Variants in CSTPP1 observed in about 807,000 individuals in gnomAD.
CSTPP1 encodes UPF0705 protein C11orf49.
the CSTPP1 span, among the ~76,000 whole-genome samples, chr11:47,106,740 T>A: frequency 2.0e-5 from 3 of 152,090 alleles, no homozygotes; most frequent in Non-Finnish European, 4.4e-5. Context: ...CAGGAATGTT[T>A]CCACAGAATG....
chr11:47,157,036 T>A, the CSTPP1 span: 3 of 1,613,966 alleles, frequency 1.9e-6, no homozygotes, highest in Non-Finnish European at 2.5e-6. Flanking sequence ...TCCTGGACAG[T>A]GTGGCTGCCA....
At chr11:47,155,394 G>A in the CSTPP1 span, 12 of 826,602 alleles carry the variant, frequency 1.5e-5, no homozygotes, top group African/African-American at 5.0e-5. Flanking sequence ...GCTTCACTGC[G>A]GGTCGCTAAC....
the CSTPP1 span, among the ~76,000 whole-genome samples, chr11:47,129,761 G>C: frequency 6.6e-6 from 1 of 152,168 alleles, no homozygotes; most frequent in Non-Finnish European, 1.5e-5. Flanking sequence ...TGAGATCCTG[G>C]TTAGAAATGC....
chr11:47,047,833 T>C, the CSTPP1 span, among the ~76,000 whole-genome samples: 3 of 152,012 alleles, frequency 2.0e-5, no homozygotes, highest in Non-Finnish European at 4.4e-5. Flanking sequence ...ACAACCCAAT[T>C]TAAAAATGGG....
chr11:47,101,999 A>G, the CSTPP1 span, among the ~76,000 whole-genome samples: 2 of 152,184 alleles, frequency 1.3e-5, no homozygotes, highest in Non-Finnish European at 2.9e-5. Flanking sequence ...AGTGACACCA[A>G]TCACTACCGT....
At chr11:47,063,158 G>A in the CSTPP1 span, among the ~76,000 whole-genome samples, 1 of 151,960 alleles carries the variant, frequency 6.6e-6, no homozygotes, top group Non-Finnish European at 1.5e-5. Flanking sequence ...ATATCTCCAT[G>A]ATATCACATA....
the CSTPP1 span, among the ~76,000 whole-genome samples, chr11:46,950,409 G>A: frequency 4.0e-5 from 6 of 151,738 alleles, no homozygotes; most frequent in Non-Finnish European, 5.9e-5. Context: ...TCCTGACCTT[G>A]TGATCCGCCT....
the CSTPP1 span, among the ~76,000 whole-genome samples, chr11:46,984,301 T>G: frequency 1.1e-4 from 17 of 152,328 alleles, 1 homozygote; most frequent in South Asian, 1.0e-3. Context: ...ATTTTGTAAG[T>G]CTCAGTTCTC....
At chr11:47,163,126 C>G in the CSTPP1 span, among the ~76,000 whole-genome samples, 2 of 148,058 alleles carry the variant, frequency 1.4e-5, no homozygotes. Flanking sequence ...GAGCCATGAT[C>G]GTGCCACTGC....
the CSTPP1 span, among the ~76,000 whole-genome samples, chr11:47,065,242 AT>A: frequency 6.6e-6 from 1 of 152,126 alleles, no homozygotes; most frequent in African/African-American, 2.4e-5. Flanking sequence ...CACCTTGACA[AT>A]ATTAAGTCAT....
chr11:47,002,460 C>G, the CSTPP1 span, among the ~76,000 whole-genome samples: 1 of 152,024 alleles, frequency 6.6e-6, no homozygotes, highest in Non-Finnish European at 1.5e-5. Flanking sequence ...TTCTTCAGTC[C>G]CTTTGTATTA....
At chr11:47,122,091 A>AAAAAAAAAAATAT in the CSTPP1 span, among the ~76,000 whole-genome samples, 17 of 31,838 alleles carry the variant, frequency 5.3e-4, no homozygotes, top group East Asian at 1.4e-3. Context: ...AAAAAAAAAA[A>AAAAAAAAAAATAT]ATATATATAT....
chr11:46,987,341 G>T, the CSTPP1 span: 1 of 1,576,006 alleles, frequency 6.3e-7, no homozygotes, highest in South Asian at 1.1e-5. Flanking sequence ...CTAATACAGT[G>T]AACCCAGAGG....
At chr11:47,091,449 TA>T in the CSTPP1 span, among the ~76,000 whole-genome samples, 1 of 152,292 alleles carries the variant, frequency 6.6e-6, no homozygotes. Context: ...GAAGTCTGAG[TA>T]CCTCCATCCA....
chr11:47,020,306 A>G, the CSTPP1 span, among the ~76,000 whole-genome samples: 1 of 152,226 alleles, frequency 6.6e-6, no homozygotes, highest in South Asian at 2.1e-4. Context: ...GTTATATCTA[A>G]TAATTTTTTA....
At chr11:46,968,601 T>C in the CSTPP1 span, among the ~76,000 whole-genome samples, 1 of 151,546 alleles carries the variant, frequency 6.6e-6, no homozygotes, top group Non-Finnish European at 1.5e-5. Context: ...CCCCGAACAA[T>C]TAAAAATAGA....
At chr11:46,988,182 G>A in the CSTPP1 span, among the ~76,000 whole-genome samples, 1 of 152,132 alleles carries the variant, frequency 6.6e-6, no homozygotes, top group Non-Finnish European at 1.5e-5. Flanking sequence ...GAATAGGGCT[G>A]CCATATGATC....
the CSTPP1 span, among the ~76,000 whole-genome samples, chr11:47,095,324 C>T: frequency 5.3e-5 from 8 of 152,178 alleles, no homozygotes; most frequent in Admixed American, 6.5e-5. Flanking sequence ...TGTCCAACTC[C>T]AGTTCCTACA....
the CSTPP1 span, chr11:47,157,118 C>T: frequency 3.7e-6 from 6 of 1,614,006 alleles, no homozygotes; most frequent in Admixed American, 1.7e-5. Flanking sequence ...TGGGCAGCAC[C>T]GCCAACGACC....
Sources: gnomAD v4.1 joint callset for allele counts (sites outside exome capture counted in the v4.1 genomes callset) on GRCh38, gnomAD v4.1.1 for gene constraint, MANE v1.5 for transcripts, NCBI Gene and HGNC (gene_info 2026-07-23, HGNC 2026-07-21) for gene names.